RAB2B: variants seen among roughly 807,000 people sequenced by gnomAD.
The protein encoded by RAB2B is RAB2B, member RAS oncogene family, also known as ras-related protein Rab-2B.
A neutral mutation model predicts 29.8 loss-of-function variants in RAB2B; 20 were observed. The ratio of observed to expected loss-of-function variants is 0.67; its 90% CI spans 0.47 to 0.97. The LOEUF (loss-of-function observed/expected upper bound fraction) is 0.97, where lower values mean the gene tolerates loss of function less well. RAB2B is among the 50% of genes least tolerant of loss of function. The probability of loss-of-function intolerance (pLI) is 0.00; values close to 1 mark genes in which losing one functional copy is unlikely to be tolerated. For missense variants in RAB2B, 218 were observed against 272.0 expected (o/e 0.80, Z 1.40); for synonymous variants, 93 against 91.7 (o/e 1.01, Z -0.08).
chr14:21,468,677 T>C lies in RAB2B; in HGVS notation c.262A>G (p.Ile88Val), dbSNP rs1337279030. 6 of 1,563,674 alleles carry C rather than the reference T, an allele frequency of 3.8e-6. No homozygotes were observed. In the Admixed American group the frequency reaches 8.3e-5, roughly 22 times the overall value. Residue 88 changes from isoleucine to valine, a missense_variant, in exon 4 of 8, where the codon ATT (isoleucine) becomes GTT (valine). Physicochemically the swap from Ile to Val is conservative, Grantham distance 29. Coordinates refer to ENST00000397762, the MANE Select transcript of RAB2B (RefSeq NM_032846.4). Reference sequence around the variant, plus strand: ...GCACCAGATCTGGCTCACCTTGTAATGTCGTACACCAGCAGTGCTCCAGCT... The same window carrying C: ...GCACCAGATCTGGCTCACCTTGTAACGTCGTACACCAGCAGTGCTCCAGCT... ...GAAGALLVYD[I>V]TRRETFNHLT...
chr14:21,475,695 G>C (rs1401234133), intron 2 of RAB2B, among the ~76,000 whole-genome samples: 1 of 152,166 alleles, frequency 6.6e-6, no homozygotes, highest in African/African-American at 2.4e-5. Flanking sequence ...CTATCGCAAA[G>C]TGAGAATTCG....
chr14:21,472,686 G>A (rs1890847365), intron 3 of RAB2B, among the ~76,000 whole-genome samples: 1 of 152,162 alleles, frequency 6.6e-6, no homozygotes, highest in Non-Finnish European at 1.5e-5. Context: ...TGACCATGTA[G>A]TTCTTAAGGA....
At chr14:21,466,939 C>CT (rs1288338756) in intron 5 of RAB2B, among the ~76,000 whole-genome samples, 2 of 151,880 alleles carry the variant, frequency 1.3e-5, no homozygotes, top group Non-Finnish European at 2.9e-5. Flanking sequence ...CAAAGTCTCA[C>CT]TCTGTCGCCC....
intron 3 of RAB2B, among the ~76,000 whole-genome samples, chr14:21,470,878 A>G (rs1890791864): frequency 6.6e-6 from 1 of 151,952 alleles, no homozygotes. Flanking sequence ...CACCAGGCGC[A>G]GTGGCTCATG....
intron 3 of RAB2B, among the ~76,000 whole-genome samples, chr14:21,469,561 G>A (rs1890758400): frequency 6.6e-6 from 1 of 152,088 alleles, no homozygotes; most frequent in Non-Finnish European, 1.5e-5. Context: ...GGGTACTTTT[G>A]CTTTCTTGAT....
chr14:21,476,469 T>G, intron 2 of RAB2B, 59 bp downstream of exon 2: 1 of 1,598,684 alleles, frequency 6.3e-7, no homozygotes, highest in Non-Finnish European at 8.6e-7. Context: ...AACTTTCCAC[T>G]TTAGCAATTT....
At chr14:21,463,805 G>C in intron 5 of RAB2B, 38 bp from the exon 6 acceptor site, 1 of 1,322,046 alleles carries the variant, frequency 7.6e-7, no homozygotes, top group Non-Finnish European at 1.1e-6. Flanking sequence ...TTAAAAAAAA[G>C]ATCCAAGTGA....
rs199840385 is a variant in RAB2B at position 21,476,808 on chromosome 14, C to T, written c.46+19G>A. 9.9e-6 allele frequency: 16 copies of T among 1,611,708 alleles called. No homozygotes were observed. Among genetic ancestry groups the T allele is most frequent in the Non-Finnish European group, 1.2e-5 (14 of 1,179,472 alleles). ...CGAATGCCCGCCCGAGCCTTGAAGG[C>T]GAACCACCTGAGGGTTACCTGTGTC... On this transcript the variant is annotated intron_variant, in intron 1 of 7. Coordinates refer to ENST00000397762, the MANE Select transcript of RAB2B (RefSeq NM_032846.4).
At position 21,463,609 on chromosome 14, in the gene RAB2B, A is replaced by G. The variant is rs772913699; in HGVS notation, c.474+47T>C. ...AGAATTCTGAATACAAGGACAAATA[A>G]TGGTGTAATCTCTAAAGAGCTTTCC... On this transcript the variant is annotated intron_variant, in intron 6 of 7. Coordinates refer to ENST00000397762, the MANE Select transcript of RAB2B (RefSeq NM_032846.4). 4 of 1,223,462 alleles carry G rather than the reference A, an allele frequency of 3.3e-6. No individual in the cohort carries two copies. The South Asian group carries it at 4.9e-5, about 15-fold the overall frequency. 75.8% of individuals were successfully genotyped at this position (1,223,462 alleles called of 1,614,324 possible).
At chr14:21,472,347 C>T (rs1336181114) in intron 3 of RAB2B, among the ~76,000 whole-genome samples, 1 of 152,128 alleles carries the variant, frequency 6.6e-6, no homozygotes, top group Non-Finnish European at 1.5e-5. Context: ...TTTGGACAAC[C>T]TGATCTCTTT....
intron 3 of RAB2B, chr14:21,474,448 ACAAAAC>A (rs1260249442): frequency 3.6e-4 from 3 of 8,318 alleles, no homozygotes; most frequent in Non-Finnish European, 1.4e-3. Context: ...ACTAATAAAA[ACAAAAC>A]TACTACCATA....
chr14:21,472,386 A>G (rs946499363), intron 3 of RAB2B, among the ~76,000 whole-genome samples: 1 of 152,164 alleles, frequency 6.6e-6, no homozygotes, highest in Non-Finnish European at 1.5e-5. Context: ...ATCCCTAAAC[A>G]TTTTCATGTA....
chr14:21,474,970 C>A (rs768815507), intron 2 of RAB2B, 36 bp from the exon 3 acceptor site: 2 of 1,582,102 alleles, frequency 1.3e-6, no homozygotes, highest in Admixed American at 1.7e-5. Flanking sequence ...ATGTGATTCT[C>A]ACGAACAGCA....
intron 2 of RAB2B, 30 bp from the exon 3 acceptor site, chr14:21,474,964 G>T: frequency 1.3e-6 from 2 of 1,597,636 alleles, no homozygotes; most frequent in Non-Finnish European, 1.7e-6. Context: ...GAAAGAATGT[G>T]ATTCTCACGA....
chr14:21,470,415 A>C (rs1890780772), intron 3 of RAB2B, among the ~76,000 whole-genome samples: 1 of 152,148 alleles, frequency 6.6e-6, no homozygotes, highest in Non-Finnish European at 1.5e-5. Flanking sequence ...CATATAACCT[A>C]AACTGGGGTT....
chr14:21,461,164 C>T lies in RAB2B; in HGVS notation c.*32G>A, dbSNP rs1566465157. On this transcript the variant is annotated 3_prime_UTR_variant, in exon 8 of 8. Coordinates refer to ENST00000397762, the MANE Select transcript of RAB2B (RefSeq NM_032846.4). ...TAAGCCTATTGATCTGAAGCTATTC[C>T]AGGAAGGACAAAAAAAGTTCAAGCC... The T allele has an allele frequency of 1.4e-6, 2 of 1,479,802 alleles. No homozygotes were observed. The highest frequency in any genetic ancestry group is 1.2e-5 in the South Asian group (1 of 86,422). 91.7% of individuals were successfully genotyped at this position (1,479,802 alleles called of 1,614,324 possible).
intron 6 of RAB2B, among the ~76,000 whole-genome samples, chr14:21,463,269 T>TG (rs1402035824): frequency 1.4e-5 from 2 of 138,228 alleles, no homozygotes; most frequent in Non-Finnish European, 3.1e-5. Flanking sequence ...TTTTTGGAGA[T>TG]GGAGTTTTGC....
chr14:21,463,645 C>G lies in RAB2B; in HGVS notation c.474+11G>C, dbSNP rs1345566478. The G allele has an allele frequency of 1.3e-6, 2 of 1,555,326 alleles. No homozygotes were observed. Among genetic ancestry groups the G allele is most frequent in the African/African-American group, 1.4e-5 (1 of 73,634 alleles). On this transcript the variant is annotated intron_variant, in intron 6 of 7. Transcript: ENST00000397762. ...TCTAAAGAGCTTTCCCCACTGTTTT[C>G]CAAATAGTACCTCTTCAACATTGCA...
At chr14:21,461,784 G>A (rs1023883266) in intron 7 of RAB2B, among the ~76,000 whole-genome samples, 8 of 152,084 alleles carry the variant, frequency 5.3e-5, no homozygotes, top group South Asian at 4.1e-4. Context: ...TGCCCAGGCC[G>A]GTCTCAAAGT....
Sources: allele counts gnomAD v4.1 joint callset (sites outside exome capture counted in the v4.1 genomes callset), GRCh38; gene constraint gnomAD v4.1.1; transcripts MANE v1.5; gene names NCBI Gene and HGNC (gene_info 2026-07-23, HGNC 2026-07-21).